The following GRID1 variants were observed in gnomAD, a reference collection of about 807,000 sequenced individuals.
GRID1 encodes glutamate receptor ionotropic, delta-1.
A neutral mutation model predicts 98.0 loss-of-function variants in GRID1; 28 were observed. That is an observed-to-expected ratio of 0.29 (90% confidence interval 0.21 to 0.39). The LOEUF (loss-of-function observed/expected upper bound fraction) is 0.39. GRID1 is among the 10% of genes least tolerant of loss of function. The pLI, the probability that GRID1 is intolerant of heterozygous loss-of-function variation, is 1.00. For synonymous variants in GRID1, 553 were observed against 538.5 expected, an observed-to-expected ratio of 1.03 and a Z score of -0.37; for missense variants, 1,111 against 1,340.5, an observed-to-expected ratio of 0.83 and a Z score of 2.67.
intron 12 of GRID1, among the ~76,000 whole-genome samples, chr10:85,716,569 A>T (rs1841641920): frequency 6.7e-6 from 1 of 150,362 alleles, no homozygotes; most frequent in Non-Finnish European, 1.5e-5. Flanking sequence ...AATAATAATA[A>T]AATAAAATAA....
Position 85,660,953 on chromosome 10 carries a change from A to G in GRID1, c.1998-13556T>C, listed in dbSNP as rs150105531. ...CAGTGTTCTCATCTACACAACAGGAATATTCATGGATTGAGTGAATTCAAG... is the reference window on the plus strand; with the variant it reads ...CAGTGTTCTCATCTACACAACAGGAGTATTCATGGATTGAGTGAATTCAAG... On this transcript the variant is annotated intron_variant, in intron 12 of 15. Transcript: ENST00000327946. 6.3e-4 allele frequency among the ~76,000 whole-genome samples: 96 copies of G among 152,264 alleles called. 2 individuals carry two copies. The East Asian group carries it at 0.017, about 27-fold the overall frequency.
intron 2 of GRID1, among the ~76,000 whole-genome samples, chr10:86,279,053 G>A (rs1212062259): frequency 6.6e-6 from 1 of 152,154 alleles, no homozygotes; most frequent in Non-Finnish European, 1.5e-5. Context: ...CTAATGTGAT[G>A]GTATCAGGAG....
intron 8 of GRID1, among the ~76,000 whole-genome samples, chr10:85,820,836 C>T (rs1428624317): frequency 6.6e-6 from 1 of 152,048 alleles, no homozygotes; most frequent in Non-Finnish European, 1.5e-5. Context: ...ATCAAATATG[C>T]AGTGTGGAAA....
chr10:85,957,541 T>C (rs1842210938), intron 4 of GRID1, among the ~76,000 whole-genome samples: 1 of 152,126 alleles, frequency 6.6e-6, no homozygotes, highest in Non-Finnish European at 1.5e-5. Context: ...AAGGGCAAGA[T>C]GGAACTCCCC....
chr10:85,882,465 C>T (rs1467691856), intron 5 of GRID1, among the ~76,000 whole-genome samples: 1 of 152,164 alleles, frequency 6.6e-6, no homozygotes, highest in Non-Finnish European at 1.5e-5. Context: ...AGTTCATGTC[C>T]TTTGTAGGGA....
intron 4 of GRID1, among the ~76,000 whole-genome samples, chr10:85,983,861 G>A (rs1564642262): frequency 6.6e-6 from 1 of 152,138 alleles, no homozygotes; most frequent in African/African-American, 2.4e-5. Context: ...GAGCTTGGGG[G>A]TTGCTAAAGA....
At chr10:85,975,279 G>C (rs535539349) in intron 4 of GRID1, among the ~76,000 whole-genome samples, 1 of 152,154 alleles carries the variant, frequency 6.6e-6, no homozygotes, top group African/African-American at 2.4e-5. Context: ...GAGATTTCTC[G>C]GGACTTTTTG....
intron 12 of GRID1, among the ~76,000 whole-genome samples, chr10:85,649,260 A>T (rs1181490971): frequency 6.6e-6 from 1 of 152,232 alleles, no homozygotes; most frequent in South Asian, 2.1e-4. Flanking sequence ...TCGGAGACAC[A>T]TGCCACAGCA....
In GRID1 at chr10:86,329,855, A is replaced by G. The variant is rs565649993; in HGVS notation, c.235+34086T>C. On this transcript the variant is annotated intron_variant, in intron 2 of 15. Transcript: ENST00000327946. ...CCTCCCTTGAAGCAAACCAGGCCAC[A>G]TCACAGTTTGGCATCACTGGTGCCC... Among the ~76,000 whole-genome samples, 4 of 152,260 alleles carry G rather than the reference A, an allele frequency of 2.6e-5. No homozygotes were observed. The South Asian group carries it at 8.3e-4, about 32-fold the overall frequency.
chr10:85,652,621 T>C (rs77526667), intron 12 of GRID1, among the ~76,000 whole-genome samples: 8,614 of 152,232 alleles, frequency 0.057, 289 homozygotes, highest in African/African-American at 0.087. Flanking sequence ...TATCTCATGT[T>C]TGGCTCTACA....
intron 4 of GRID1, among the ~76,000 whole-genome samples, chr10:86,006,526 G>A (rs1406472232): frequency 6.6e-6 from 1 of 152,138 alleles, no homozygotes; most frequent in Non-Finnish European, 1.5e-5. Context: ...GCTGAGGTGG[G>A]AGAATCGCTT....
At chr10:86,355,393 T>G (rs940904238) in intron 2 of GRID1, among the ~76,000 whole-genome samples, 21 of 152,244 alleles carry the variant, frequency 1.4e-4, no homozygotes, top group African/African-American at 5.1e-4. Flanking sequence ...CTGCCTCATC[T>G]AGGGTCTGTT....
intron 4 of GRID1, among the ~76,000 whole-genome samples, chr10:85,974,831 C>T (rs1220930667): frequency 6.6e-6 from 1 of 152,174 alleles, no homozygotes; most frequent in Non-Finnish European, 1.5e-5. Flanking sequence ...CACTATGTTG[C>T]CCAGGCTGTT....
chr10:85,614,102 A>T (rs1842763059), intron 14 of GRID1, among the ~76,000 whole-genome samples: 1 of 152,232 alleles, frequency 6.6e-6, no homozygotes, highest in South Asian at 2.1e-4. Flanking sequence ...TCACCAAATT[A>T]TTCTTACAGT....
intron 8 of GRID1, among the ~76,000 whole-genome samples, chr10:85,731,658 C>T (rs1241836864): frequency 6.6e-6 from 1 of 151,610 alleles, no homozygotes; most frequent in Non-Finnish European, 1.5e-5. Context: ...AATAAATTAG[C>T]CAGTGTGGTG....
chr10:85,821,539 A>AAGCAAACAAAC (rs1842772059), intron 8 of GRID1, among the ~76,000 whole-genome samples: 2 of 97,594 alleles, frequency 2.0e-5, no homozygotes, highest in Non-Finnish European at 4.4e-5. Flanking sequence ...AAAAAAAAAA[A>AAGCAAACAAAC]AAAAAAGAAA....
At chr10:85,759,133 T>C (rs1008111012) in intron 8 of GRID1, among the ~76,000 whole-genome samples, 1 of 152,192 alleles carries the variant, frequency 6.6e-6, no homozygotes, top group African/African-American at 2.4e-5. Context: ...GTCTTGGTCA[T>C]GAATCAAGTC....
rs1012811294 is a variant in GRID1 at position 86,192,761 on chromosome 10, C to A, written c.520+13603G>T. On this transcript the variant is annotated intron_variant, in intron 3 of 15. Transcript: ENST00000327946. The surrounding 1 kb of genome is among the most constrained non-coding windows in gnomAD (Gnocchi z 4.8). ...GAACTTCCCAGAGCACAGGTAGAAT[C>A]CAGCACACAGGACCAGGGCCAACAG... is the stretch of plus-strand genomic sequence containing the variant. Among the ~76,000 whole-genome samples the A allele has an allele frequency of 4.6e-5, 7 of 152,026 alleles. No homozygotes were observed. Among genetic ancestry groups the A allele is most frequent in the East Asian group, 1.9e-4 (1 of 5,190 alleles).
intron 4 of GRID1, among the ~76,000 whole-genome samples, chr10:85,993,118 T>A (rs1842701592): frequency 6.6e-6 from 1 of 152,132 alleles, no homozygotes; most frequent in South Asian, 2.1e-4. Context: ...TGACAGGCTA[T>A]CCCCAGAGGA....
Sources: gnomAD v4.1 joint callset for allele counts (sites outside exome capture counted in the v4.1 genomes callset) on GRCh38, gnomAD v4.1.1 for gene constraint, Gnocchi (gnomAD v3.1) non-coding constraint, MANE v1.5 for transcripts, NCBI Gene and HGNC (gene_info 2026-07-23, HGNC 2026-07-21) for gene names.